Variants in TFDP1 observed in about 807,000 individuals in gnomAD.
The protein encoded by TFDP1 is transcription factor Dp-1.
In TFDP1, 6 loss-of-function variants were observed where a neutral mutation model predicts 48.0. The observed-to-expected ratio is 0.13, with a 90% CI of 0.07 to 0.25. The LOEUF is 0.25. Ranked by LOEUF, TFDP1 falls within the 10% of genes least tolerant of loss-of-function variation. TFDP1 has a pLI of 1.00. For synonymous variants in TFDP1, 201 were observed against 211.6 expected (o/e 0.95, Z 0.44); for missense variants, 335 against 543.0 (o/e 0.62, Z 3.81).
At chr13:113,636,780 CG>C in intron 10 of TFDP1, 80 bp downstream of exon 10, 1 of 1,499,996 alleles carries the variant, frequency 6.7e-7, no homozygotes, top group African/African-American at 1.4e-5. Flanking sequence ...CCTCCCGGCT[CG>C]GGATGTGTCT....
chr13:113,630,977 C>G (rs932661713), intron 4 of TFDP1, among the ~76,000 whole-genome samples: 4 of 152,194 alleles, frequency 2.6e-5, no homozygotes, highest in Non-Finnish European at 5.9e-5. Flanking sequence ...GCCCCCAGTG[C>G]TGGTGGCCCT....
chr13:113,630,310 A>C (rs2049301918), intron 4 of TFDP1, among the ~76,000 whole-genome samples: 1 of 152,176 alleles, frequency 6.6e-6, no homozygotes, highest in Non-Finnish European at 1.5e-5. Context: ...AGAAGGCCGC[A>C]CTCTGATGAG....
intron 2 of TFDP1, among the ~76,000 whole-genome samples, chr13:113,603,646 A>G (rs182788399): frequency 3.8e-4 from 58 of 152,356 alleles, no homozygotes; most frequent in South Asian, 3.1e-3. Flanking sequence ...GTTTTGTCTA[A>G]TGTAAGACAG....
chr13:113,625,403 C>T (rs2049123839), intron 4 of TFDP1, among the ~76,000 whole-genome samples: 2 of 109,782 alleles, frequency 1.8e-5, no homozygotes, highest in African/African-American at 3.7e-5. Context: ...TCTCACGTGT[C>T]CTCAGGTGTC....
upstream of TFDP1, chr13:113,584,711 C>T (rs966166165): frequency 6.8e-6 from 1 of 147,606 alleles, no homozygotes. Flanking sequence ...CACGTCACGC[C>T]GGCCCGACGC....
chr13:113,634,686 A>C (rs1250704970), intron 8 of TFDP1, 84 bp downstream of exon 8: 1 of 1,008,146 alleles, frequency 9.9e-7, no homozygotes, highest in Non-Finnish European at 1.5e-6. Flanking sequence ...GCCTTGGGTT[A>C]CACTCCTGCA....
chr13:113,587,137 TTC>T (rs2140251360), intron 2 of TFDP1, among the ~76,000 whole-genome samples: 1 of 152,158 alleles, frequency 6.6e-6, no homozygotes, highest in Admixed American at 6.5e-5. Context: ...CCCTCTTTCA[TTC>T]CCCCGTGATT....
At chr13:113,634,632 G>C (rs374105250) in intron 8 of TFDP1, 30 bp downstream of exon 8, 1 of 1,561,564 alleles carries the variant, frequency 6.4e-7, no homozygotes, top group Non-Finnish European at 8.7e-7. Flanking sequence ...TGGAGGCAGG[G>C]TAATTTTTAT....
intron 3 of TFDP1, among the ~76,000 whole-genome samples, chr13:113,616,179 G>A (rs1350703364): frequency 6.6e-6 from 1 of 150,456 alleles, no homozygotes; most frequent in Non-Finnish European, 1.5e-5. Flanking sequence ...CTCTAGCCTG[G>A]GTGACAGAGT....
At chr13:113,585,998 A>G in intron 2 of TFDP1, 149 bp downstream of exon 2, 1 of 891,740 alleles carries the variant, frequency 1.1e-6, no homozygotes, top group Non-Finnish European at 1.7e-6. Context: ...GATGAAGGTG[A>G]AAGATGGAAG....
chr13:113,623,298 G>C lies in TFDP1; in HGVS notation c.186+12G>C, dbSNP rs372474062. 2.9e-5 allele frequency: 47 copies of C among 1,600,654 alleles called. No individual in the cohort carries two copies. In the South Asian group the frequency reaches 4.7e-4, roughly 16 times the overall value. ...TTGCCCAGCAAGTGGTAAGCCTCCC[G>C]CAGGAGCGGACAGCCGGGATCTCGG... On this transcript the variant is annotated intron_variant, in intron 4 of 11. Transcript: ENST00000375370. The surrounding 1 kb of genome is among the most constrained non-coding windows in gnomAD (Gnocchi z 5.2).
At chr13:113,606,712 G>A (rs1460921793) in intron 2 of TFDP1, among the ~76,000 whole-genome samples, 5 of 152,210 alleles carry the variant, frequency 3.3e-5, no homozygotes, top group African/African-American at 1.2e-4. Context: ...TGTAAACAGA[G>A]GCAGTCTAGG....
At chr13:113,593,749 C>A (rs571723555) in intron 2 of TFDP1, among the ~76,000 whole-genome samples, 2 of 114,512 alleles carry the variant, frequency 1.7e-5, no homozygotes, top group African/African-American at 6.7e-5. Context: ...GTGTGGTGTG[C>A]GCGGGTCCTC....
At chr13:113,591,633 T>C (rs2048149435) in intron 2 of TFDP1, among the ~76,000 whole-genome samples, 1 of 152,230 alleles carries the variant, frequency 6.6e-6, no homozygotes. Flanking sequence ...AAAAATACTT[T>C]GTTGTAGAAC....
At chr13:113,605,585 C>T (rs1434108900) in intron 2 of TFDP1, among the ~76,000 whole-genome samples, 3 of 152,202 alleles carry the variant, frequency 2.0e-5, no homozygotes, top group African/African-American at 7.2e-5. Context: ...GGCCTCAAGG[C>T]CAGGGTCTGG....
In TFDP1 at chr13:113,591,553, G is replaced by A. The variant is rs1017597786; in HGVS notation, c.12+5704G>A. 4.6e-5 allele frequency among the ~76,000 whole-genome samples: 7 copies of A among 152,186 alleles called. No individual in the cohort carries two copies. The East Asian group carries it at 5.8e-4, about 13-fold the overall frequency. On this transcript the variant is annotated intron_variant, in intron 2 of 11. Transcript: ENST00000375370. Reference sequence around the variant, plus strand: ...AAACCTCACCTTTGGTGCACAGCTCGATTTGCAGTAGAAGTATCAGGTGCT... The same window carrying A: ...AAACCTCACCTTTGGTGCACAGCTCAATTTGCAGTAGAAGTATCAGGTGCT...
intron 2 of TFDP1, among the ~76,000 whole-genome samples, chr13:113,606,104 G>C (rs1436112641): frequency 6.8e-6 from 1 of 146,980 alleles, no homozygotes; most frequent in Non-Finnish European, 1.5e-5. Context: ...CCTGTGGGAA[G>C]GCGGCGTGGT....
At chr13:113,639,991 TTC>T in intron 11 of TFDP1, 127 bp from the exon 12 acceptor site, 2 of 672,308 alleles carry the variant, frequency 3.0e-6, no homozygotes, top group Non-Finnish European at 5.1e-6. Flanking sequence ...AGCCTCCCCG[TTC>T]TGTTTGTGTG....
chr13:113,590,030 A>G (rs2048101942), intron 2 of TFDP1, among the ~76,000 whole-genome samples: 1 of 152,210 alleles, frequency 6.6e-6, no homozygotes, highest in Non-Finnish European at 1.5e-5. Flanking sequence ...AGACTTCGGG[A>G]TGTAGCCCGT....
Sources: allele counts gnomAD v4.1 joint callset (sites outside exome capture counted in the v4.1 genomes callset), GRCh38; gene constraint gnomAD v4.1.1; non-coding constraint Gnocchi (gnomAD v3.1); transcripts MANE v1.5; gene names NCBI Gene and HGNC (gene_info 2026-07-23, HGNC 2026-07-21).